MBD3: variants seen among roughly 807,000 people sequenced by gnomAD.
The protein encoded by MBD3 is methyl-CpG-binding domain protein 3.
A neutral mutation model predicts 31.2 loss-of-function variants in MBD3; 13 were observed. The observed-to-expected ratio is 0.42, with a 90% CI of 0.27 to 0.66. MBD3 has a LOEUF of 0.66. Ranked by LOEUF, MBD3 falls within the 30% of genes least tolerant of loss-of-function variation. MBD3 has a pLI of 0.26. For missense variants in MBD3, 440 were observed against 426.5 expected, an observed-to-expected ratio of 1.03 and a Z score of -0.28; for synonymous variants, 223 against 187.4, an observed-to-expected ratio of 1.19 and a Z score of -1.55.
chr19:1,586,974 T>TA (rs2060682188), intron 1 of MBD3, among the ~76,000 whole-genome samples: 3 of 144,132 alleles, frequency 2.1e-5, no homozygotes, highest in Non-Finnish European at 3.0e-5. Flanking sequence ...GCCTAATTTT[T>TA]TTTTTTTTTA....
chr19:1,575,409 T>G lies in MBD3; in HGVS notation c.*2755A>C. On this transcript the variant is annotated 3_prime_UTR_variant, in exon 7 of 7. Transcript: ENST00000434436. ...GAGCGAAAGAAGAGCGAAACTCTTG[T>G]CTAAAAAAAAAAAAAGTCCCAGAAG... 1 of 303,874 alleles carries G rather than the reference T, an allele frequency of 3.3e-6. No individual in the cohort carries two copies. Among genetic ancestry groups the G allele is most frequent in the Non-Finnish European group, 6.7e-6 (1 of 150,366 alleles). 18.8% of individuals were successfully genotyped at this position (303,874 alleles called of 1,614,324 possible).
At chr19:1,581,454 C>G in intron 4 of MBD3, 185 bp from the exon 5 acceptor site, 1 of 673,396 alleles carries the variant, frequency 1.5e-6, no homozygotes. Flanking sequence ...GAAAAAAAAG[C>G]AAGTTAGGCC....
At chr19:1,581,335 G>C (rs1017455537) in intron 4 of MBD3, 66 bp from the exon 5 acceptor site, 22 of 1,534,842 alleles carry the variant, frequency 1.4e-5, no homozygotes, top group Non-Finnish European at 1.9e-5. Flanking sequence ...GGCCCAGACA[G>C]GCCACGGAAA....
Position 1,573,800 on chromosome 19 carries a change from C to A in MBD3, c.*4364G>T, listed in dbSNP as rs1308155097. 1 of 152,120 alleles carries A rather than the reference C, an allele frequency of 6.6e-6. No homozygotes were observed. The highest frequency in any genetic ancestry group is 1.5e-5 in the Non-Finnish European group (1 of 68,026). The allele number at this position is 152,120 out of a possible 1,614,324, so 9.4% of individuals were successfully genotyped here. ...CATATTATTTGCCCTCAACAAAATT[C>A]TTTTGCCCGTGGCCAACATGGTGAA... On this transcript the variant is annotated 3_prime_UTR_variant, in exon 7 of 7. Coordinates refer to ENST00000434436, the MANE Select transcript of MBD3 (RefSeq NM_001281453.2).
At chr19:1,579,270 G>A (rs1917292141) in intron 5 of MBD3, among the ~76,000 whole-genome samples, 1 of 151,174 alleles carries the variant, frequency 6.6e-6, no homozygotes, top group Admixed American at 6.6e-5. Context: ...CGCAGGCCGG[G>A]GGTCACCTTT....
intron 5 of MBD3, among the ~76,000 whole-genome samples, chr19:1,579,924 ATTATT>A (rs1418851436): frequency 6.6e-6 from 1 of 152,026 alleles, no homozygotes; most frequent in Non-Finnish European, 1.5e-5. Flanking sequence ...CACCCAGCTA[ATTATT>A]TTATTTTTAG....
intron 1 of MBD3, chr19:1,592,199 G>A (rs906670112): frequency 6.5e-6 from 1 of 152,810 alleles, no homozygotes; most frequent in Non-Finnish European, 1.5e-5. Context: ...GGGAACCAAA[G>A]GGACAGCCCA....
chr19:1,580,971 G>T, intron 5 of MBD3, 121 bp downstream of exon 5: 1 of 1,312,338 alleles, frequency 7.6e-7, no homozygotes, highest in Non-Finnish European at 1.1e-6. Context: ...GGCTGTTTCT[G>T]TTTCAAAACC....
chr19:1,581,751 G>C (rs62128526), intron 4 of MBD3: 7,080 of 250,412 alleles, frequency 0.028, 161 homozygotes, highest in Middle Eastern at 0.041. Context: ...TTGTTTTTGA[G>C]ATGGGGTCTT....
In MBD3 at chr19:1,574,954, C is replaced by T; in HGVS notation, c.*3210G>A. The T allele has an allele frequency of 3.0e-6, 1 of 330,322 alleles. No individual in the cohort carries two copies. The highest frequency in any genetic ancestry group is 6.0e-6 in the Non-Finnish European group (1 of 165,292). The allele number at this position is 330,322 out of a possible 1,614,324, so 20.5% of individuals were successfully genotyped here. ...GTGTGGCAGGAGAGGCATGATGCCC[C>T]TTAGCTGGTGTTGCTGAGACTCGGG... On this transcript the variant is annotated 3_prime_UTR_variant, in exon 7 of 7. Transcript: ENST00000434436.
At position 1,592,412 on chromosome 19, in the gene MBD3, G is replaced by A. The variant is rs1354370128; in HGVS notation, c.110+110C>T. On this transcript the variant is annotated intron_variant, in intron 1 of 6. Coordinates refer to ENST00000434436, the MANE Select transcript of MBD3 (RefSeq NM_001281453.2). Reference sequence around the variant, plus strand: ...ACGCAAGACGCACGCACGCACGCACGACGCACGCGCGGGGCCCAGGCCGCG... The same window carrying A: ...ACGCAAGACGCACGCACGCACGCACAACGCACGCGCGGGGCCCAGGCCGCG... 3 of 282,732 alleles carry A rather than the reference G, an allele frequency of 1.1e-5. No individual in the cohort carries two copies. In the South Asian group the frequency reaches 4.0e-4, roughly 38 times the overall value. The allele number at this position is 282,732 out of a possible 1,614,324, so 17.5% of individuals were successfully genotyped here. A position where few individuals can be genotyped will look rare whatever the true frequency, so the allele number is the denominator to read the frequency against.
In MBD3 at chr19:1,575,743, A is replaced by T. The variant is rs1451197837; in HGVS notation, c.*2421T>A. 6.5e-6 allele frequency: 1 copy of T among 153,230 alleles called. No individual in the cohort carries two copies. 9.5% of individuals were successfully genotyped at this position (153,230 alleles called of 1,614,324 possible). A position where few individuals can be genotyped will look rare whatever the true frequency, so the allele number is the denominator to read the frequency against. ...TCACTTCTCACCGGGCACGACCTCT[A>T]GCAAAGGCCAGTATTGCCTTGGCCT... On this transcript the variant is annotated 3_prime_UTR_variant, in exon 7 of 7. Coordinates refer to ENST00000434436, the MANE Select transcript of MBD3 (RefSeq NM_001281453.2).
Position 1,575,860 on chromosome 19 carries a change from G to A in MBD3, c.*2304C>T, listed in dbSNP as rs948667027. The A allele has an allele frequency of 2.0e-5, 3 of 152,588 alleles. No homozygotes were observed. The highest frequency in any genetic ancestry group is 7.2e-5 in the African/African-American group (3 of 41,466). 9.5% of individuals were successfully genotyped at this position (152,588 alleles called of 1,614,324 possible). On this transcript the variant is annotated 3_prime_UTR_variant, in exon 7 of 7. Coordinates refer to ENST00000434436, the MANE Select transcript of MBD3 (RefSeq NM_001281453.2). ...AGGGCCTGGATGGGCTTCCAGTGGG[G>A]AGGGCCCTGTGGCAGGGGTAGGGAT...
intron 1 of MBD3, among the ~76,000 whole-genome samples, chr19:1,586,969 AT>A (rs1262094351): frequency 2.5e-3 from 292 of 115,470 alleles, no homozygotes; most frequent in Middle Eastern, 8.9e-3. Flanking sequence ...GCCCGGCCTA[AT>A]TTTTTTTTTT....
rs753439408 is a variant in MBD3, at chr19:1,592,660, GCCCGCCGCCGCCGCCCGGA to G, written c.-48_-30del. 5.9e-6 allele frequency: 6 copies of G among 1,015,310 alleles called. No homozygotes were observed. Among genetic ancestry groups the G allele is most frequent in the South Asian group, 4.7e-5 (2 of 42,884 alleles). 62.9% of individuals were successfully genotyped at this position (1,015,310 alleles called of 1,614,324 possible). A position where few individuals can be genotyped will look rare whatever the true frequency, so the allele number is the denominator to read the frequency against. On this transcript the variant is annotated 5_prime_UTR_variant, in exon 1 of 7. Coordinates refer to ENST00000434436, the MANE Select transcript of MBD3 (RefSeq NM_001281453.2). ...GCCCGGCTCCTCGGCCCGCCGCCGG[GCCCGCCGCCGCCGCCCGGA>G]CCCCCACTCGCCGCCGCCGCCTCAG...
intron 1 of MBD3, among the ~76,000 whole-genome samples, chr19:1,590,303 A>T (rs1261777730): frequency 6.6e-6 from 1 of 151,648 alleles, no homozygotes; most frequent in Non-Finnish European, 1.5e-5. Flanking sequence ...TCTCCAAAAA[A>T]AAACCCCACT....
Position 1,576,394 on chromosome 19 carries a change from C to G in MBD3, c.*1770G>C, listed in dbSNP as rs2145586734. 6.6e-6 allele frequency: 1 copy of G among 152,428 alleles called. No homozygotes were observed. Among genetic ancestry groups the G allele is most frequent in the East Asian group, 1.9e-4 (1 of 5,178 alleles). 9.4% of individuals were successfully genotyped at this position (152,428 alleles called of 1,614,324 possible). A position where few individuals can be genotyped will look rare whatever the true frequency, so the allele number is the denominator to read the frequency against. ...TCCTTTGGAAGGAGCGGTGCTGGGT[C>G]TGAGCCCCAGCCCATCTTCCTCACC... On this transcript the variant is annotated 3_prime_UTR_variant, in exon 7 of 7. Transcript: ENST00000434436.
rs1676137104 is a variant in MBD3 at position 1,577,412 on chromosome 19, C to T, written c.*752G>A. On this transcript the variant is annotated 3_prime_UTR_variant, in exon 7 of 7. Transcript: ENST00000434436. ...CCAAAGCTGGGTGCCTGTGTCGCCA[C>T]TAAACAGAAGGGAAACCGAGGCAGG... is the stretch of plus-strand genomic sequence containing the variant. The T allele has an allele frequency of 6.6e-6, 1 of 152,256 alleles. No individual in the cohort carries two copies. Among genetic ancestry groups the T allele is most frequent in the Admixed American group, 6.5e-5 (1 of 15,286 alleles). 9.4% of individuals were successfully genotyped at this position (152,256 alleles called of 1,614,324 possible). A position where few individuals can be genotyped will look rare whatever the true frequency, so the allele number is the denominator to read the frequency against.
Position 1,578,257 on chromosome 19 carries a change from C to A in MBD3, c.*5+78G>T, listed in dbSNP as rs1001797029. The stretch of plus-strand genomic sequence containing the variant: ...GAAGCTCTTGGGAGGCACCCGTCAT[C>A]CCAAGCACATCTGTGTTCACCAGGC... On this transcript the variant is annotated intron_variant, in intron 6 of 6. Transcript: ENST00000434436. The surrounding 1 kb of genome is among the most constrained non-coding windows in gnomAD (Gnocchi z 6.1). 2.5e-6 allele frequency: 4 copies of A among 1,590,228 alleles called. No homozygotes were observed. The Admixed American group carries it at 5.0e-5, about 20-fold the overall frequency.
Sources: gnomAD v4.1 joint callset for allele counts (sites outside exome capture counted in the v4.1 genomes callset) on GRCh38, gnomAD v4.1.1 for gene constraint, Gnocchi (gnomAD v3.1) non-coding constraint, MANE v1.5 for transcripts, NCBI Gene and HGNC (gene_info 2026-07-23, HGNC 2026-07-21) for gene names.